LRP2: variants seen among roughly 807,000 people sequenced by gnomAD.
The protein encoded by LRP2 is low-density lipoprotein receptor-related protein 2.
Under a neutral mutation model 531.0 loss-of-function variants are expected in LRP2, and 172 were observed. The observed-to-expected ratio is 0.32, with a 90% CI of 0.29 to 0.37. LRP2 has a LOEUF of 0.37. Among genes scored for constraint, LRP2 ranks in the 10% least tolerant of loss-of-function variants. LRP2 has a pLI of 1.00. For missense variants in LRP2, 5,167 were observed against 5,868.3 expected (o/e 0.88, Z 3.90); for synonymous variants, 1,992 against 2,027.6 (o/e 0.98, Z 0.47).
intron 16 of LRP2, among the ~76,000 whole-genome samples, chr2:169,267,957 A>G (rs1683272810): frequency 6.6e-6 from 1 of 152,226 alleles, no homozygotes; most frequent in Admixed American, 6.5e-5. Context: ...ACAAACTACC[A>G]TCAGAGAATA....
At chr2:169,349,408 G>A (rs192129898) in intron 1 of LRP2, among the ~76,000 whole-genome samples, 4 of 152,190 alleles carry the variant, frequency 2.6e-5, no homozygotes, top group Non-Finnish European at 4.4e-5. Flanking sequence ...ATATCACTGT[G>A]CCTGGTGCAC....
Position 169,157,405 on chromosome 2 carries a change from G to A in LRP2, c.11985C>T (p.Phe3995=), listed in dbSNP as rs138867955. 942 of 1,613,182 alleles carry A rather than the reference G, an allele frequency of 5.8e-4. No individual in the cohort carries two copies. The highest frequency in any genetic ancestry group is 7.6e-4 in the Non-Finnish European group (900 of 1,179,546). ...AGGTTCTGTCAAAAACATTGGTTTCGAACCCAGCTGTACAGGAGCAGATAA... is the reference window on the plus strand; with the variant it reads ...AGGTTCTGTCAAAAACATTGGTTTCAAACCCAGCTGTACAGGAGCAGATAA... The part of the protein sequence containing the change: ...GGFICSCTAG[F]ETNVFDRTSC... The change falls in exon 64 of 79, where the codon TTC becomes TTT. Residue 3995 remains phenylalanine (F), a synonymous_variant. Transcript: ENST00000649046.
intron 29 of LRP2, among the ~76,000 whole-genome samples, chr2:169,234,321 G>A (rs920330020): frequency 1.3e-5 from 2 of 151,730 alleles, no homozygotes; most frequent in South Asian, 2.1e-4. Flanking sequence ...GACAGGCCCC[G>A]GTGTGTGATG....
At chr2:169,159,214 G>C (rs1686481851) in intron 63 of LRP2, among the ~76,000 whole-genome samples, 1 of 152,130 alleles carries the variant, frequency 6.6e-6, no homozygotes, top group Non-Finnish European at 1.5e-5. Context: ...CCTGGTCATA[G>C]GCTTCTGAGT....
At position 169,235,847 on chromosome 2, in the gene LRP2, C is replaced by T. The variant is rs1408436984; in HGVS notation, c.4913G>A (p.Ser1638Asn). ...TCCTCACCACCAACTTACCAAATCA[C>T]TGGCTATCACCTGTCTCCGATGGTG... ...NGHHRRQVIA[S>N]DLIIRHPYAL... The change falls in exon 29 of 79, where the codon AGT (serine) becomes AAT (asparagine). Residue 1638 changes from serine to asparagine, a missense_variant. Physicochemically the swap from Ser to Asn is conservative, Grantham distance 46. Transcript: ENST00000649046. The T allele has an allele frequency of 1.9e-6, 3 of 1,613,694 alleles. No individual in the cohort carries two copies. Among genetic ancestry groups the T allele is most frequent in the Non-Finnish European group, 2.5e-6 (3 of 1,179,716 alleles).
chr2:169,192,099 T>C (rs112900951), intron 47 of LRP2, 66 bp from the exon 48 acceptor site: 1 of 1,278,198 alleles, frequency 7.8e-7, no homozygotes, highest in Non-Finnish European at 1.1e-6. Flanking sequence ...TTCTCTTTGC[T>C]TTAATGTTAC....
Position 169,212,045 on chromosome 2 carries a change from G to A in LRP2, c.6203C>T (p.Ser2068Leu), listed in dbSNP as rs1328878785. 3.1e-6 allele frequency: 5 copies of A among 1,613,842 alleles called. No individual in the cohort carries two copies. Among genetic ancestry groups the A allele is most frequent in the Non-Finnish European group, 4.2e-6 (5 of 1,179,924 alleles). ...AAAGCCTCTGATTGCAGACAGCATTGAAACAACAATGAAAGAGTTATATGG... is the reference window on the plus strand; with the variant it reads ...AAAGCCTCTGATTGCAGACAGCATTAAAACAACAATGAAAGAGTTATATGG... ...CSPYNSFIVV[S>L]MLSAIRGFSL... Residue 2068 changes from serine to leucine, a missense_variant, in exon 37 of 79, where the codon TCA (serine) becomes TTA (leucine). Physicochemically the swap from Ser to Leu is moderately radical, Grantham distance 145. This residue lies in a region of LRP2 where 2,811 missense variants were observed against 3,058.0 expected (regional missense o/e 0.92). Transcript: ENST00000649046.
intron 1 of LRP2, among the ~76,000 whole-genome samples, chr2:169,322,399 G>A (rs1470680942): frequency 2.6e-5 from 4 of 152,182 alleles, no homozygotes; most frequent in South Asian, 2.1e-4. Context: ...TGGTGGTACC[G>A]AGTGGTACAG....
intron 45 of LRP2, among the ~76,000 whole-genome samples, chr2:169,197,429 C>T (rs552752724): frequency 1.3e-5 from 2 of 152,118 alleles, no homozygotes; most frequent in African/African-American, 2.4e-5. Context: ...TATCTAAGCT[C>T]GCTCCACACA....
In LRP2 at chr2:169,177,763, C is replaced by A. The variant is rs1281719528; in HGVS notation, c.10393+40G>T. Reference sequence around the variant, plus strand: ...AAAGACAATCATGACATGCACATAACCCAAGGCAACCTTGCCAAACCCCTC... The same window carrying A: ...AAAGACAATCATGACATGCACATAAACCAAGGCAACCTTGCCAAACCCCTC... On this transcript the variant is annotated intron_variant, in intron 53 of 78. Transcript: ENST00000649046. 3 of 1,559,300 alleles carry A rather than the reference C, an allele frequency of 1.9e-6. No individual in the cohort carries two copies. In the Admixed American group the frequency reaches 5.0e-5, roughly 26 times the overall value.
In LRP2 at chr2:169,296,412, CT is replaced by C. The variant is rs1276899284; in HGVS notation, c.428-1703del. The stretch of plus-strand genomic sequence containing the variant: ...GAGATGATATGCCTTACAAATGTGC[CT>C]TCAAATGAGTCACACAACTCTCCCT... On this transcript the variant is annotated intron_variant, in intron 4 of 78. Coordinates refer to ENST00000649046, the MANE Select transcript of LRP2 (RefSeq NM_004525.3). Among the ~76,000 whole-genome samples the C allele has an allele frequency of 2.0e-5, 3 of 151,866 alleles. No homozygotes were observed. The East Asian group carries it at 5.8e-4, about 29-fold the overall frequency.
chr2:169,350,874 C>A (rs1685829198), intron 1 of LRP2, among the ~76,000 whole-genome samples: 1 of 152,034 alleles, frequency 6.6e-6, no homozygotes, highest in Non-Finnish European at 1.5e-5. Flanking sequence ...CCATGAATGT[C>A]CTGACTTGAC....
chr2:169,308,390 A>T (rs1034166089), intron 3 of LRP2, among the ~76,000 whole-genome samples: 2 of 152,086 alleles, frequency 1.3e-5, no homozygotes, highest in Admixed American at 1.3e-4. Flanking sequence ...ACCCCACGAC[A>T]GGACCCAGTT....
At chr2:169,257,814 A>G (rs1420688364) in intron 17 of LRP2, among the ~76,000 whole-genome samples, 1 of 120,034 alleles carries the variant, frequency 8.3e-6, no homozygotes, top group South Asian at 4.0e-4. Context: ...AGAGGCAAAA[A>G]AAAACAAAAA....
At chr2:169,140,607 T>C (rs548936762) in intron 71 of LRP2, 62 bp from the exon 72 acceptor site, 4 of 1,311,400 alleles carry the variant, frequency 3.1e-6, no homozygotes, top group African/African-American at 1.4e-5. Context: ...GCCCACACCA[T>C]GCAAACCGGC....
intron 28 of LRP2, 65 bp downstream of exon 28, chr2:169,237,038 G>A: frequency 7.4e-7 from 1 of 1,353,942 alleles, no homozygotes; most frequent in South Asian, 1.2e-5. Flanking sequence ...GCTACATCAT[G>A]TTACTGTTGT....
intron 19 of LRP2, among the ~76,000 whole-genome samples, chr2:169,255,402 A>T (rs748142408): frequency 6.6e-6 from 1 of 152,154 alleles, no homozygotes; most frequent in Admixed American, 6.6e-5. Context: ...GCATGCCTGC[A>T]CTCAAATGGG....
intron 61 of LRP2, among the ~76,000 whole-genome samples, chr2:169,167,783 T>A (rs115966936): frequency 0.011 from 1,681 of 151,850 alleles, 30 homozygotes; most frequent in African/African-American, 0.038. Flanking sequence ...GCAAAATGAC[T>A]GCAACAAACT....
chr2:169,244,013 G>A (rs1334093804), intron 22 of LRP2, among the ~76,000 whole-genome samples: 4 of 152,132 alleles, frequency 2.6e-5, no homozygotes, highest in Non-Finnish European at 2.9e-5. Context: ...CCTTGGAGTC[G>A]GATGCAGTGG....
Sources: gnomAD v4.1 joint callset for allele counts (sites outside exome capture counted in the v4.1 genomes callset) on GRCh38, gnomAD v4.1.1 for gene constraint, gnomAD v4.1.1 regional missense constraint, MANE v1.5 for transcripts, NCBI Gene and HGNC (gene_info 2026-07-23, HGNC 2026-07-21) for gene names.